PVT1: variants seen among roughly 807,000 people sequenced by gnomAD.
PVT1 encodes the protein Pvt1 oncogene.
intron 4 of PVT1, among the ~76,000 whole-genome samples, chr8:128,017,158 T>C (rs16902552): frequency 0.016 from 2,488 of 152,302 alleles, 67 homozygotes; most frequent in African/African-American, 0.056. Flanking sequence ...TGGGCAGCTA[T>C]AGAAATCCAG....
intron 2 of PVT1, among the ~76,000 whole-genome samples, chr8:127,816,048 C>T (rs988391166): frequency 3.9e-5 from 6 of 152,128 alleles, no homozygotes; most frequent in East Asian, 1.9e-4. Flanking sequence ...CTCTTGAACC[C>T]GGGAGGCGGA....
chr8:127,876,758 C>A (rs12546258), intron 2 of PVT1, among the ~76,000 whole-genome samples: 1 of 152,196 alleles, frequency 6.6e-6, no homozygotes. Flanking sequence ...TCCTCCGTGG[C>A]GCTTGGGTGA....
chr8:127,947,932 T>A (rs1400956403), intron 3 of PVT1: 1 of 457,006 alleles, frequency 2.2e-6, no homozygotes, highest in Non-Finnish European at 4.4e-6. Context: ...ATAAGGAAAC[T>A]GAGTGCAAAG....
At chr8:128,035,097 T>A (rs1362246573) in intron 4 of PVT1, among the ~76,000 whole-genome samples, 1 of 152,224 alleles carries the variant, frequency 6.6e-6, no homozygotes, top group Non-Finnish European at 1.5e-5. Flanking sequence ...TCCAGTTATT[T>A]GCAGGCTTCT....
intron 2 of PVT1, among the ~76,000 whole-genome samples, chr8:127,813,150 A>C (rs1392650584): frequency 6.8e-6 from 1 of 147,430 alleles, no homozygotes; most frequent in Non-Finnish European, 1.5e-5. Flanking sequence ...GTCTCAAAAA[A>C]AATATATGTA....
Position 127,817,528 on chromosome 8 carries a change from A to AATATATATATATAT in PVT1, n.372+21463_372+21476dup, listed in dbSNP as rs36101639. Among the ~76,000 whole-genome samples, 20 of 68,698 alleles carry AATATATATATATAT rather than the reference A, an allele frequency of 2.9e-4. 1 individual carries two copies. Among genetic ancestry groups the AATATATATATATAT allele is most frequent in the East Asian group, 1.5e-3 (4 of 2,660 alleles). 45.1% of individuals were successfully genotyped at this position (68,698 alleles called of 152,430 possible). A position where few individuals can be genotyped will look rare whatever the true frequency, so the allele number is the denominator to read the frequency against. ...ATATTTAAATAGATATATCTATTTA[A>AATATATATATATAT]ATATATATATATATATATACACACA... On this transcript the variant is annotated intron_variant and non_coding_transcript_variant, in intron 2 of 10. Coordinates refer to ENST00000651587, the Ensembl canonical transcript of PVT1.
Position 127,798,020 on chromosome 8 carries a change from G to A in PVT1, n.372+1949G>A, listed in dbSNP as rs116224172. Among the ~76,000 whole-genome samples the A allele has an allele frequency of 8.0e-3, 1,211 of 152,096 alleles. 23 individuals are homozygous for A. The highest frequency in any genetic ancestry group is 0.027 in the African/African-American group (1,126 of 41,488). On this transcript the variant is annotated intron_variant and non_coding_transcript_variant, in intron 2 of 10. Coordinates refer to ENST00000651587, the Ensembl canonical transcript of PVT1. ...GATAATGAGGTTAAGAACAAGCAAA[G>A]GGCCGGGCGCGGTGGCTCACACCTG...
chr8:128,005,211 C>G, intron 4 of PVT1, among the ~76,000 whole-genome samples: 1 of 151,884 alleles, frequency 6.6e-6, no homozygotes. Flanking sequence ...AACCTCACTA[C>G]TACATTTGTA....
At chr8:128,066,853 A>T (rs1813917402) in intron 4 of PVT1, among the ~76,000 whole-genome samples, 1 of 152,002 alleles carries the variant, frequency 6.6e-6, no homozygotes, top group Non-Finnish European at 1.5e-5. Flanking sequence ...CCTAGTGCAG[A>T]TTCTTCTCAT....
intron 3 of PVT1, chr8:127,932,724 T>C: frequency 2.6e-6 from 1 of 379,792 alleles, no homozygotes; most frequent in Non-Finnish European, 4.6e-6. Context: ...TTCTATCTTA[T>C]AATACACATT....
intron 3 of PVT1, among the ~76,000 whole-genome samples, chr8:127,954,676 G>A (rs1296534413): frequency 6.6e-6 from 1 of 152,188 alleles, no homozygotes; most frequent in South Asian, 2.1e-4. Context: ...TTGAGCAGGT[G>A]AACAAACTGA....
intron 2 of PVT1, among the ~76,000 whole-genome samples, chr8:127,823,525 A>T (rs1343933569): frequency 6.6e-6 from 1 of 152,164 alleles, no homozygotes; most frequent in Non-Finnish European, 1.5e-5. Context: ...TCCCAGAGTG[A>T]ATCAGGGACA....
intron 5 of PVT1, among the ~76,000 whole-genome samples, chr8:128,072,997 C>A (rs2130138548): frequency 6.6e-6 from 1 of 152,084 alleles, no homozygotes; most frequent in East Asian, 1.9e-4. Context: ...CCATGCCTAG[C>A]TAATTTTTGT....
chr8:127,853,431 A>G (rs1359537001), intron 2 of PVT1, among the ~76,000 whole-genome samples: 1 of 152,066 alleles, frequency 6.6e-6, no homozygotes, highest in Non-Finnish European at 1.5e-5. Flanking sequence ...GAGCCTTTCC[A>G]TAGGGGTGTG....
intron 2 of PVT1, among the ~76,000 whole-genome samples, chr8:127,846,351 C>G (rs76964290): frequency 0.044 from 6,635 of 152,188 alleles, 517 homozygotes; most frequent in African/African-American, 0.15. Context: ...GTGTGGGGCA[C>G]CTTTCCTGGT....
chr8:128,018,319 A>G (rs866087664), intron 4 of PVT1, among the ~76,000 whole-genome samples: 1 of 152,252 alleles, frequency 6.6e-6, no homozygotes, highest in Non-Finnish European at 1.5e-5. Context: ...GCTCTGTGCC[A>G]GACACAGGCT....
At chr8:127,903,586 T>C (rs1345863587) in intron 3 of PVT1, among the ~76,000 whole-genome samples, 1 of 152,204 alleles carries the variant, frequency 6.6e-6, no homozygotes, top group Non-Finnish European at 1.5e-5. Context: ...TAATCCATGT[T>C]GAGTTATTTT....
At chr8:127,967,437 G>T (rs961194585) in intron 3 of PVT1, among the ~76,000 whole-genome samples, 1 of 152,214 alleles carries the variant, frequency 6.6e-6, no homozygotes, top group Admixed American at 6.5e-5. Context: ...TACAATACTG[G>T]CTCAAAGGAA....
intron 4 of PVT1, among the ~76,000 whole-genome samples, chr8:128,045,417 A>T (rs1813599061): frequency 6.6e-6 from 1 of 152,222 alleles, no homozygotes; most frequent in African/African-American, 2.4e-5. Flanking sequence ...ACCCCACAAC[A>T]TCTTATCTAA....
Sources: gnomAD v4.1 joint callset for allele counts (sites outside exome capture counted in the v4.1 genomes callset) on GRCh38, gnomAD v4.1.1 for gene constraint, MANE v1.5 for transcripts, NCBI Gene and HGNC (gene_info 2026-07-23, HGNC 2026-07-21) for gene names.